MED15: variants seen among roughly 807,000 people sequenced by gnomAD.
MED15 encodes mediator complex subunit 15.
A neutral mutation model predicts 118.7 loss-of-function variants in MED15; 41 were observed. That is an observed-to-expected ratio of 0.35 (90% confidence interval 0.27 to 0.45). The LOEUF is 0.45. Ranked by LOEUF, MED15 falls within the 20% of genes least tolerant of loss-of-function variation. MED15 has a pLI of 1.00. For synonymous variants in MED15, 436 were observed against 413.9 expected (o/e 1.05, Z -0.65); for missense variants, 740 against 1,025.5 (o/e 0.72, Z 3.80).
At chr22:20,507,789 C>T (rs2053918943) in intron 1 of MED15, 43 bp downstream of exon 1, 3 of 1,612,618 alleles carry the variant, frequency 1.9e-6, no homozygotes, top group East Asian at 2.2e-5. Flanking sequence ...TGGGACCTTC[C>T]TCCTTAGCGT....
Position 20,586,594 on chromosome 22 carries a change from C to T in MED15, c.2257C>T (p.His753Tyr), listed in dbSNP as rs149390700. ...YDANPFLQSV[H>Y]RCMTSRLLQL... is the part of the protein sequence containing the mutation. ...CGCCAACCCCTTCCTCCAGTCGGTG[C>T]ACCGCTGCATGACCTCCAGGCTGCT... Residue 753 changes from histidine (H) to tyrosine (Y), a missense_variant, in exon 18 of 18, where the codon CAC (histidine) becomes TAC (tyrosine). Physicochemically the swap from His to Tyr is moderately conservative, Grantham distance 83 (BLOSUM62 2). Around this residue, in one of 7 missense-constraint regions of MED15, gnomAD observed 179 missense variants for 259.0 expected, o/e 0.69. Transcript: ENST00000263205. 2.7e-5 allele frequency: 43 copies of T among 1,612,824 alleles called. No individual in the cohort carries two copies. The highest frequency in any genetic ancestry group is 3.6e-5 in the Non-Finnish European group (42 of 1,179,964).
In MED15 at chr22:20,507,685, G is replaced by A; in HGVS notation, c.7G>A (p.Val3Ile). 4 of 1,614,076 alleles carry A rather than the reference G, an allele frequency of 2.5e-6. No individual in the cohort carries two copies. The highest frequency in any genetic ancestry group is 1.3e-5 in the African/African-American group (1 of 75,064). MD[V>I]SGQETDWRST... ...CGGGAGCTGGGGAACAGGCATGGACGTTTCCGGGCAAGAGACCGACTGGCG... is the reference window on the plus strand; with the variant it reads ...CGGGAGCTGGGGAACAGGCATGGACATTTCCGGGCAAGAGACCGACTGGCG... The change falls in exon 1 of 18, where the codon GTT (valine) becomes ATT (isoleucine). Residue 3 changes from valine to isoleucine, a missense_variant. Val to Ile is a conservative substitution (Grantham distance 29, BLOSUM62 3). This residue lies in a region of MED15 where 23 missense variants were observed against 20.2 expected (regional missense o/e 1.14). Coordinates refer to ENST00000263205, the MANE Select transcript of MED15 (RefSeq NM_001003891.3).
chr22:20,574,919 A>G lies in MED15; in HGVS notation c.1153-194A>G, dbSNP rs571222920. On this transcript the variant is annotated intron_variant, in intron 8 of 17. Transcript: ENST00000263205. Reference sequence around the variant, plus strand: ...TCTTGGCAAATCTTCTAGATTCCCAATGCCCAGACAGACCTGGAGGTGCTG... The same window carrying G: ...TCTTGGCAAATCTTCTAGATTCCCAGTGCCCAGACAGACCTGGAGGTGCTG... 70 of 711,382 alleles carry G rather than the reference A, an allele frequency of 9.8e-5. 2 individuals are homozygous for G. Among genetic ancestry groups the G allele is most frequent in the Admixed American group, 7.3e-4 (31 of 42,420 alleles). 44.1% of individuals were successfully genotyped at this position (711,382 alleles called of 1,614,324 possible). A position where few individuals can be genotyped will look rare whatever the true frequency, so the allele number is the denominator to read the frequency against.
At chr22:20,585,350 C>CA in intron 16 of MED15, 83 bp downstream of exon 16, 1 of 1,539,016 alleles carries the variant, frequency 6.5e-7, no homozygotes, top group Non-Finnish European at 8.9e-7. Flanking sequence ...AGCCAGATGG[C>CA]ACAGCGCCCA....
intron 2 of MED15, among the ~76,000 whole-genome samples, chr22:20,547,755 G>A (rs922767703): frequency 5.3e-5 from 8 of 152,142 alleles, no homozygotes; most frequent in Non-Finnish European, 4.4e-5. Flanking sequence ...CCCGGGAGGC[G>A]GAGCTTGCAG....
At chr22:20,528,555 C>A (rs2054741108) in intron 1 of MED15, among the ~76,000 whole-genome samples, 1 of 152,218 alleles carries the variant, frequency 6.6e-6, no homozygotes. Context: ...TGCTCACCTA[C>A]TGCTGTGAGG....
chr22:20,583,463 G>A (rs2057048036), intron 13 of MED15, 70 bp downstream of exon 13: 2 of 1,572,714 alleles, frequency 1.3e-6, no homozygotes, highest in African/African-American at 1.3e-5. Context: ...TGGGCACTTG[G>A]TGATGATGTG....
chr22:20,585,725 C>T lies in MED15; in HGVS notation c.2132-3C>T, dbSNP rs771083459. 3.1e-6 allele frequency: 5 copies of T among 1,612,814 alleles called. No individual in the cohort carries two copies. The Admixed American group carries it at 5.0e-5, about 16-fold the overall frequency. ...GTCACAGATAGAGCCTTCTGTGTTG[C>T]AGATGACAAGGACCTCCCAAGTGTG... On this transcript the variant is annotated splice_region_variant and splice_polypyrimidine_tract_variant and intron_variant, in intron 16 of 17. Coordinates refer to ENST00000263205, the MANE Select transcript of MED15 (RefSeq NM_001003891.3).
In MED15 at chr22:20,585,186, A is replaced by G; in HGVS notation, c.2050A>G (p.Arg684Gly). Residue 684 changes from arginine (R) to glycine (G), a missense_variant, in exon 16 of 18, where the codon AGG becomes GGG. By Grantham distance (125) the Arg-to-Gly change is moderately radical. Coordinates refer to ENST00000263205, the MANE Select transcript of MED15 (RefSeq NM_001003891.3). ...IPSVLQGEVA[R>G]LDPKFLVNLD... is the part of the protein sequence containing the mutation. ...CAGTGTGCTCCAGGGTGAGGTGGCC[A>G]GGCTGGACCCCAAGTTCCTGGTAAA... 6.2e-7 allele frequency: 1 copy of G among 1,613,832 alleles called. No homozygotes were observed. Among genetic ancestry groups the G allele is most frequent in the Non-Finnish European group, 8.5e-7 (1 of 1,180,018 alleles).
chr22:20,551,276 C>G (rs765431124), intron 2 of MED15, 160 bp from the exon 3 acceptor site: 61 of 775,814 alleles, frequency 7.9e-5, no homozygotes, highest in Middle Eastern at 2.3e-4. Context: ...TGACGGCTCT[C>G]TTCCGAGAGG....
At chr22:20,538,134 G>A (rs935365269) in intron 2 of MED15, among the ~76,000 whole-genome samples, 1 of 152,192 alleles carries the variant, frequency 6.6e-6, no homozygotes, top group Non-Finnish European at 1.5e-5. Context: ...ATAAAAAGAG[G>A]TGCAGCTTCC....
rs1355076661 is a variant in MED15 at position 20,516,643 on chromosome 22, A to AT, written c.68+8898dup. ...TGTGGCTGTGGCCAGTCAAGGACCC[A>AT]TGCTGGGCATCCCGAGGTAGGAAGG... On this transcript the variant is annotated intron_variant, in intron 1 of 17. Coordinates refer to ENST00000263205, the MANE Select transcript of MED15 (RefSeq NM_001003891.3). Among the ~76,000 whole-genome samples the AT allele has an allele frequency of 6.6e-5, 10 of 152,050 alleles. No homozygotes were observed. In the East Asian group the frequency reaches 1.9e-3, roughly 29 times the overall value.
intron 14 of MED15, 200 bp downstream of exon 14, chr22:20,584,625 G>A (rs1182616982): frequency 1.1e-5 from 9 of 806,136 alleles, no homozygotes; most frequent in African/African-American, 3.4e-5. Flanking sequence ...TACGGCCCCC[G>A]TGGGTGCCTC....
chr22:20,542,369 A>G (rs1336986451), intron 2 of MED15, among the ~76,000 whole-genome samples: 2 of 152,272 alleles, frequency 1.3e-5, no homozygotes, highest in Non-Finnish European at 2.9e-5. Flanking sequence ...GAATATCCAT[A>G]CAATGAATAT....
intron 5 of MED15, 99 bp downstream of exon 5, chr22:20,555,247 G>A: frequency 8.2e-7 from 1 of 1,214,634 alleles, no homozygotes; most frequent in Non-Finnish European, 1.1e-6. Flanking sequence ...GCATGGAGAA[G>A]CTCCAAATCG....
chr22:20,522,103 A>T (rs1407383282), intron 1 of MED15: 3 of 152,116 alleles, frequency 2.0e-5, no homozygotes, highest in African/African-American at 7.2e-5. Flanking sequence ...TGCCTAATGA[A>T]CTTTGGTGTT....
chr22:20,583,180 G>C lies in MED15; in HGVS notation c.1605G>C (p.Lys535Asn). ...SQAEEQQYLD[K>N]LKQLSKYIEP... ...CTGAGGAGCAGCAGTACCTGGACAA[G>C]CTGAAGCAGCTGTCGAAGTACATCG... The change falls in exon 12 of 18, where the codon AAG becomes AAC. Residue 535 changes from lysine to asparagine, a missense_variant. Physicochemically the swap from Lys to Asn is moderately conservative, Grantham distance 94. This residue lies in a region of MED15 where 384 missense variants were observed against 506.3 expected (regional missense o/e 0.76). Coordinates refer to ENST00000263205, the MANE Select transcript of MED15 (RefSeq NM_001003891.3). 1 of 1,611,392 alleles carries C rather than the reference G, an allele frequency of 6.2e-7. No homozygotes were observed. The highest frequency in any genetic ancestry group is 8.5e-7 in the Non-Finnish European group (1 of 1,179,230).
At position 20,583,132 on chromosome 22, in the gene MED15, G is replaced by A; in HGVS notation, c.1557G>A (p.Met519Ile). The A allele has an allele frequency of 1.2e-6, 2 of 1,601,814 alleles. No individual in the cohort carries two copies. Among genetic ancestry groups the A allele is most frequent in the Non-Finnish European group, 1.7e-6 (2 of 1,173,974 alleles). ...LNTPVNPSSVMSPAGSSQAEE... is the reference protein window; with the variant it reads ...LNTPVNPSSVISPAGSSQAEE... Reference sequence around the variant, plus strand: ...CTGCAGTGAACCCCAGCTCTGTCATGAGCCCAGCTGGCTCCAGCCAGGCTG... The same window carrying A: ...CTGCAGTGAACCCCAGCTCTGTCATAAGCCCAGCTGGCTCCAGCCAGGCTG... Residue 519 changes from methionine to isoleucine, a missense_variant, in exon 12 of 18, where the codon ATG becomes ATA. Physicochemically the swap from Met to Ile is conservative, Grantham distance 10. Around this residue, in one of 7 missense-constraint regions of MED15, gnomAD observed 384 missense variants for 506.3 expected, o/e 0.76. Coordinates refer to ENST00000263205, the MANE Select transcript of MED15 (RefSeq NM_001003891.3).
At chr22:20,555,752 C>T (rs1399306733) in intron 5 of MED15, among the ~76,000 whole-genome samples, 1 of 152,240 alleles carries the variant, frequency 6.6e-6, no homozygotes, top group African/African-American at 2.4e-5. Context: ...GACGGGGTCT[C>T]GCTCTGTGGG....
Sources: allele counts gnomAD v4.1 joint callset (sites outside exome capture counted in the v4.1 genomes callset), GRCh38; gene constraint gnomAD v4.1.1; regional missense constraint gnomAD v4.1.1; transcripts MANE v1.5; gene names NCBI Gene and HGNC (gene_info 2026-07-23, HGNC 2026-07-21).